GPC6: variants seen among roughly 807,000 people sequenced by gnomAD.
The protein encoded by GPC6 is glypican-6.
GPC6 carries 14 observed loss-of-function variants against 55.2 expected under a neutral mutation model. That is an observed-to-expected ratio of 0.25 (90% confidence interval 0.17 to 0.40). The LOEUF (loss-of-function observed/expected upper bound fraction) is 0.40, where lower values mean the gene tolerates loss of function less well. GPC6 is among the 10% of genes least tolerant of loss of function. The pLI, the probability that GPC6 is intolerant of heterozygous loss-of-function variation, is 1.00. For synonymous variants in GPC6, 278 were observed against 259.6 expected, an observed-to-expected ratio of 1.07 and a Z score of -0.68; for missense variants, 641 against 708.5, an observed-to-expected ratio of 0.90 and a Z score of 1.08.
chr13:94,352,172 G>T (rs1566709034), intron 6 of GPC6, among the ~76,000 whole-genome samples: 1 of 151,982 alleles, frequency 6.6e-6, no homozygotes. Context: ...GGCCAACCAG[G>T]TCTTAGGTCT....
intron 4 of GPC6, among the ~76,000 whole-genome samples, chr13:94,092,996 C>T (rs1211584726): frequency 1.3e-5 from 2 of 151,908 alleles, no homozygotes; most frequent in Non-Finnish European, 2.9e-5. Flanking sequence ...GTTTAAGTTC[C>T]TTATATATTT....
At chr13:93,760,171 T>C (rs1176691640) in intron 2 of GPC6, among the ~76,000 whole-genome samples, 1 of 152,184 alleles carries the variant, frequency 6.6e-6, no homozygotes, top group East Asian at 1.9e-4. Flanking sequence ...TCCCATTTCA[T>C]TCATAGAAAG....
intron 1 of GPC6, among the ~76,000 whole-genome samples, chr13:93,308,038 A>C (rs1878931892): frequency 1.3e-5 from 2 of 152,136 alleles, no homozygotes; most frequent in African/African-American, 4.8e-5. Context: ...TAATCCCAGC[A>C]CTTTGGGAGG....
At chr13:93,712,508 A>G (rs1016324757) in intron 2 of GPC6, among the ~76,000 whole-genome samples, 5 of 151,706 alleles carry the variant, frequency 3.3e-5, no homozygotes, top group Non-Finnish European at 7.4e-5. Flanking sequence ...TAATCTGATC[A>G]AATGATGGTT....
In GPC6 at chr13:93,861,400, G is replaced by A. The variant is rs140298299; in HGVS notation, c.711+30855G>A. Among the ~76,000 whole-genome samples the A allele has an allele frequency of 1.5e-5, 2 of 135,532 alleles. 1 individual carries two copies. The highest frequency in any genetic ancestry group is 1.5e-4 in the Admixed American group (2 of 13,574). The allele number at this position is 135,532 out of a possible 152,430, so 88.9% of individuals were successfully genotyped here. ...GTGAAATCTTCAAGTACCTGGAGTT[G>A]TATATGTAAAAAAAAAAAAAAGAAA... is the stretch of plus-strand genomic sequence containing the variant. On this transcript the variant is annotated intron_variant, in intron 3 of 8. Coordinates refer to ENST00000377047, the MANE Select transcript of GPC6 (RefSeq NM_005708.5).
At chr13:93,599,703 G>A (rs769458969) in intron 2 of GPC6, among the ~76,000 whole-genome samples, 2 of 152,116 alleles carry the variant, frequency 1.3e-5, no homozygotes, top group Non-Finnish European at 2.9e-5. Context: ...TTTTTTCACT[G>A]TTACTGTTTT....
At chr13:93,380,173 A>G (rs1875098746) in intron 1 of GPC6, among the ~76,000 whole-genome samples, 1 of 152,126 alleles carries the variant, frequency 6.6e-6, no homozygotes, top group Non-Finnish European at 1.5e-5. Context: ...AAAAATATAT[A>G]GTAAGTTTTA....
intron 2 of GPC6, among the ~76,000 whole-genome samples, chr13:93,721,230 T>A (rs1883445285): frequency 6.6e-6 from 1 of 152,030 alleles, no homozygotes. Flanking sequence ...GAACTTGCTT[T>A]ATGAATCTGG....
chr13:93,369,708 C>T (rs1485001458), intron 1 of GPC6, among the ~76,000 whole-genome samples: 4 of 152,052 alleles, frequency 2.6e-5, no homozygotes, highest in Non-Finnish European at 5.9e-5. Context: ...TTTGAAGCAA[C>T]AGTTTAAACG....
chr13:93,463,261 C>A (rs910684203), intron 1 of GPC6, among the ~76,000 whole-genome samples: 3 of 152,106 alleles, frequency 2.0e-5, no homozygotes, highest in Non-Finnish European at 4.4e-5. Context: ...CAGTATTTGG[C>A]CCCTGCATGG....
intron 4 of GPC6, among the ~76,000 whole-genome samples, chr13:94,121,605 G>C (rs747689616): frequency 3.3e-5 from 5 of 152,056 alleles, no homozygotes; most frequent in Admixed American, 2.6e-4. Flanking sequence ...AATACTTAAC[G>C]ATATATTATC....
chr13:93,995,163 AT>A (rs1330385604), intron 3 of GPC6, among the ~76,000 whole-genome samples: 3 of 9,002 alleles, frequency 3.3e-4, no homozygotes, highest in Non-Finnish European at 1.2e-3. Flanking sequence ...TACTTCAACT[AT>A]TTTATTTTAT....
chr13:93,615,391 C>G (rs1887660), intron 2 of GPC6, among the ~76,000 whole-genome samples: 50,318 of 151,850 alleles, frequency 0.33, 8,599 homozygotes, highest in Non-Finnish European at 0.38. Flanking sequence ...TCCCTTTTGT[C>G]GAGAGGATTC....
At chr13:93,380,612 G>A (rs9589724) in intron 1 of GPC6, among the ~76,000 whole-genome samples, 2,156 of 152,214 alleles carry the variant, frequency 0.014, 60 homozygotes, top group African/African-American at 0.048. Flanking sequence ...ATGGGGTTGA[G>A]TATCTAGAGA....
chr13:93,488,787 C>A (rs920728656), intron 1 of GPC6, among the ~76,000 whole-genome samples: 15 of 152,262 alleles, frequency 9.9e-5, no homozygotes, highest in African/African-American at 3.6e-4. Flanking sequence ...AGTATCTGTT[C>A]ATATACTTTG....
At chr13:93,887,323 A>G (rs1195570382) in intron 3 of GPC6, among the ~76,000 whole-genome samples, 2 of 152,078 alleles carry the variant, frequency 1.3e-5, no homozygotes, top group Non-Finnish European at 2.9e-5. Context: ...CAAACATGAC[A>G]ATTGATTGTC....
intron 2 of GPC6, among the ~76,000 whole-genome samples, chr13:93,693,661 T>A (rs562975574): frequency 1.3e-5 from 2 of 152,124 alleles, no homozygotes; most frequent in African/African-American, 4.8e-5. Context: ...TGTATTTATA[T>A]TTTTTGGTAG....
intron 4 of GPC6, among the ~76,000 whole-genome samples, chr13:94,045,484 C>T (rs1883698650): frequency 6.6e-6 from 1 of 151,810 alleles, no homozygotes; most frequent in South Asian, 2.1e-4. Context: ...CAGTATGAAA[C>T]ACTGACATAG....
chr13:93,614,217 C>G (rs552918537), intron 2 of GPC6, among the ~76,000 whole-genome samples: 38 of 152,170 alleles, frequency 2.5e-4, no homozygotes, highest in African/African-American at 8.7e-4. Flanking sequence ...GTGTATTACT[C>G]CTCAAAAAAA....
Sources: allele counts gnomAD v4.1 joint callset (sites outside exome capture counted in the v4.1 genomes callset), GRCh38; gene constraint gnomAD v4.1.1; transcripts MANE v1.5; gene names NCBI Gene and HGNC (gene_info 2026-07-23, HGNC 2026-07-21).